GOLM1: variants seen among roughly 807,000 people sequenced by gnomAD.
GOLM1 encodes epididymis luminal protein 46.
GOLM1 carries 31 observed loss-of-function variants against 50.5 expected under a neutral mutation model. The observed-to-expected ratio is 0.61, with a 90% CI of 0.46 to 0.83. The LOEUF is 0.83. Ranked by LOEUF, GOLM1 falls within the 40% of genes least tolerant of loss-of-function variation. The probability of loss-of-function intolerance (pLI) is 0.00; values close to 1 mark genes in which losing one functional copy is unlikely to be tolerated. For synonymous variants in GOLM1, 178 were observed against 192.8 expected (o/e 0.92, Z 0.64); for missense variants, 491 against 501.3 (o/e 0.98, Z 0.20).
chr9:86,035,000 G>A, intron 8 of GOLM1: 1 of 984,942 alleles, frequency 1.0e-6, no homozygotes, highest in Non-Finnish European at 1.2e-6. Context: ...ACTAGGCACT[G>A]ATTGTCTAAA....
intron 2 of GOLM1, 75 bp from the exon 3 acceptor site, chr9:86,077,666 A>T: frequency 1.9e-6 from 2 of 1,047,144 alleles, no homozygotes; most frequent in African/African-American, 1.6e-5. Flanking sequence ...GCCCTCCACA[A>T]AGACCACCTT....
chr9:86,052,431 C>T (rs1384705385), intron 4 of GOLM1, 106 bp downstream of exon 4: 9 of 872,468 alleles, frequency 1.0e-5, no homozygotes, highest in Non-Finnish European at 1.7e-5. Context: ...ATGACACTAT[C>T]CGCCATGAGA....
At chr9:86,049,853 T>C (rs1833680456) in intron 4 of GOLM1, among the ~76,000 whole-genome samples, 1 of 152,202 alleles carries the variant, frequency 6.6e-6, no homozygotes, top group Non-Finnish European at 1.5e-5. Context: ...TTGAATACCC[T>C]TTATTTCTTT....
At chr9:86,053,601 C>CCAA (rs1833871026) in intron 3 of GOLM1, among the ~76,000 whole-genome samples, 1 of 10,774 alleles carries the variant, frequency 9.3e-5, no homozygotes, top group African/African-American at 2.4e-4. Context: ...CCACTCCACA[C>CCAA]ACACATCACA....
intron 2 of GOLM1, chr9:86,077,855 G>T: frequency 2.2e-6 from 1 of 452,288 alleles, no homozygotes; most frequent in Non-Finnish European, 3.9e-6. Flanking sequence ...GCTTAAATGT[G>T]CTAAGTGCAC....
rs912239101 is a variant in GOLM1, at chr9:86,027,746, A to G, written c.*71T>C. The G allele has an allele frequency of 3.5e-5, 55 of 1,561,176 alleles. No homozygotes were observed. The highest frequency in any genetic ancestry group is 4.5e-5 in the Non-Finnish European group (52 of 1,155,256). ...TTTAGTACATTTCACAGTTTTCAGT[A>G]TTCAGTCCCTCATGAACATTTTATA... On this transcript the variant is annotated 3_prime_UTR_variant, in exon 10 of 10. Coordinates refer to ENST00000388712, the MANE Select transcript of GOLM1 (RefSeq NM_016548.4).
rs1834620455 is a variant in GOLM1, at chr9:86,076,485, A to G, written c.309+927T>C. On this transcript the variant is annotated intron_variant, in intron 3 of 9. Coordinates refer to ENST00000388712, the MANE Select transcript of GOLM1 (RefSeq NM_016548.4). Reference sequence around the variant, plus strand: ...ATTTTTCTAGTTAATAATAGAGGCCAAAGTTTGATGCACTCTGGGACAGGA... The same window carrying G: ...ATTTTTCTAGTTAATAATAGAGGCCGAAGTTTGATGCACTCTGGGACAGGA... Among the ~76,000 whole-genome samples, 3 of 148,368 alleles carry G rather than the reference A, an allele frequency of 2.0e-5. No individual in the cohort carries two copies. The South Asian group carries it at 6.6e-4, about 32-fold the overall frequency.
At chr9:86,084,417 C>G (rs558930264) in intron 1 of GOLM1, among the ~76,000 whole-genome samples, 4 of 152,146 alleles carry the variant, frequency 2.6e-5, no homozygotes, top group Non-Finnish European at 5.9e-5. Flanking sequence ...ACTAGGAGGG[C>G]ACGGCACCTC....
intron 8 of GOLM1, among the ~76,000 whole-genome samples, chr9:86,034,475 G>C (rs1307476381): frequency 6.6e-6 from 1 of 152,106 alleles, no homozygotes; most frequent in East Asian, 1.9e-4. Context: ...GCCGCTGAGG[G>C]GTCTGACACT....
chr9:86,078,441 A>G (rs1298017787), intron 2 of GOLM1, among the ~76,000 whole-genome samples: 2 of 152,158 alleles, frequency 1.3e-5, no homozygotes, highest in Non-Finnish European at 2.9e-5. Flanking sequence ...GATTCTTGCT[A>G]AACTGGCCTA....
intron 5 of GOLM1, among the ~76,000 whole-genome samples, chr9:86,041,260 A>G (rs1385962815): frequency 1.3e-5 from 2 of 152,128 alleles, no homozygotes; most frequent in South Asian, 2.1e-4. Context: ...TTGAGTTTAT[A>G]CTAATAAGGG....
intron 3 of GOLM1, among the ~76,000 whole-genome samples, chr9:86,053,020 A>G (rs1833815342): frequency 7.2e-6 from 1 of 139,394 alleles, no homozygotes. Flanking sequence ...ACACCACTCC[A>G]CACAACACCA....
chr9:86,067,583 G>T (rs1306130418), intron 3 of GOLM1, among the ~76,000 whole-genome samples: 1 of 152,324 alleles, frequency 6.6e-6, no homozygotes, highest in Admixed American at 6.5e-5. Flanking sequence ...TGCTTCTAAT[G>T]AATGTAGAAG....
chr9:86,035,080 G>A (rs1364309269), intron 8 of GOLM1: 53 of 985,056 alleles, frequency 5.4e-5, no homozygotes, highest in Non-Finnish European at 6.1e-5. Context: ...AGGAGGGGGC[G>A]TCCACTTGAT....
intron 3 of GOLM1, among the ~76,000 whole-genome samples, chr9:86,061,417 C>A (rs1221121875): frequency 6.6e-6 from 1 of 152,168 alleles, no homozygotes; most frequent in Non-Finnish European, 1.5e-5. Context: ...ATTTTCTTTT[C>A]ATAGTATAGC....
chr9:86,029,043 G>C (rs1029547148), intron 9 of GOLM1, among the ~76,000 whole-genome samples: 1 of 151,858 alleles, frequency 6.6e-6, no homozygotes, highest in Admixed American at 6.6e-5. Context: ...AGTTTTAGTA[G>C]AGGCGGGTTT....
At position 86,077,417 on chromosome 9, in the gene GOLM1, C is replaced by T. The variant is rs1834652127; in HGVS notation, c.304G>A (p.Glu102Lys). 3.7e-6 allele frequency: 6 copies of T among 1,613,494 alleles called. No individual in the cohort carries two copies. The Admixed American group carries it at 5.0e-5, about 13-fold the overall frequency. The change falls in exon 3 of 10, where the codon GAA becomes AAA. Residue 102 changes from glutamate to lysine, a missense_variant. Transcript: ENST00000388712. ...LESVNKLYQD[E>K]KAVLVNNITT... The stretch of plus-strand genomic sequence containing the variant: ...GGAAACAAAGCAGGCCTTGCCTTTT[C>T]GTCCTGGTACAGCTTGTTGACGCTC...
chr9:86,079,475 A>G, intron 1 of GOLM1, 134 bp from the exon 2 acceptor site: 1 of 657,986 alleles, frequency 1.5e-6, no homozygotes, highest in South Asian at 2.4e-5. Context: ...CTTGACGTGC[A>G]AAGCTGTCAA....
intron 3 of GOLM1, among the ~76,000 whole-genome samples, chr9:86,068,537 C>G (rs983625231): frequency 6.6e-6 from 1 of 152,184 alleles, no homozygotes; most frequent in African/African-American, 2.4e-5. Flanking sequence ...TGCCCCTGCC[C>G]AGGTCTCAGG....
Sources: gnomAD v4.1 joint callset for allele counts (sites outside exome capture counted in the v4.1 genomes callset) on GRCh38, gnomAD v4.1.1 for gene constraint, MANE v1.5 for transcripts, NCBI Gene and HGNC (gene_info 2026-07-23, HGNC 2026-07-21) for gene names.